Variants in CTNNA3 observed in about 807,000 individuals in gnomAD.
The protein encoded by CTNNA3 is catenin alpha 3, also known as catenin alpha-3.
Under a neutral mutation model 95.7 loss-of-function variants are expected in CTNNA3, and 76 were observed. The ratio of observed to expected loss-of-function variants is 0.79; its 90% CI spans 0.66 to 0.96. The LOEUF is 0.96. Among genes scored for constraint, CTNNA3 ranks in the 40% least tolerant of loss-of-function variants. CTNNA3 has a pLI of 0.00. For synonymous variants in CTNNA3, 431 were observed against 374.4 expected (o/e 1.15, Z -1.74); for missense variants, 1,191 against 1,089.8 (o/e 1.09, Z -1.31).
intron 12 of CTNNA3, among the ~76,000 whole-genome samples, chr10:66,366,441 G>A (rs866300437): frequency 1.4e-4 from 22 of 152,140 alleles, no homozygotes; most frequent in Middle Eastern, 3.4e-3. Flanking sequence ...AAACCTATTC[G>A]CCAATGCAAT....
intron 11 of CTNNA3, among the ~76,000 whole-genome samples, chr10:66,476,366 C>T (rs1839327024): frequency 6.6e-6 from 1 of 151,972 alleles, no homozygotes; most frequent in Admixed American, 6.6e-5. Flanking sequence ...TACCCTGAAA[C>T]TGAAAATAAA....
At chr10:67,704,762 C>T (rs541814287) in intron 1 of CTNNA3, among the ~76,000 whole-genome samples, 60 of 151,824 alleles carry the variant, frequency 4.0e-4, no homozygotes, top group African/African-American at 1.4e-3. Context: ...GCAACAAAAG[C>T]CAAAATTGAC....
Position 67,490,821 on chromosome 10 carries a change from G to A in CTNNA3, c.579+31021C>T, listed in dbSNP as rs1875152. On this transcript the variant is annotated intron_variant, in intron 5 of 17. Transcript: ENST00000433211. ...GAGAGAAGGGTAACAAAGGAATGGA[G>A]AAGCACTCTGGAAACTACACAGTGA... Among the ~76,000 whole-genome samples the A allele has an allele frequency of 0.024, 3,636 of 152,168 alleles. 270 individuals are homozygous for A. In the East Asian group the frequency reaches 0.27, roughly 11 times the overall value.
chr10:66,059,909 T>A (rs1255012264), intron 15 of CTNNA3, among the ~76,000 whole-genome samples: 1 of 152,088 alleles, frequency 6.6e-6, no homozygotes, highest in Non-Finnish European at 1.5e-5. Context: ...TTACTTTCTT[T>A]TAGGTATTTT....
At chr10:66,297,427 C>T (rs574062811) in intron 12 of CTNNA3, among the ~76,000 whole-genome samples, 4 of 152,196 alleles carry the variant, frequency 2.6e-5, no homozygotes, top group African/African-American at 4.8e-5. Flanking sequence ...TTTAAGAATA[C>T]ATTTAATCAT....
chr10:67,567,368 A>C (rs941964513), intron 3 of CTNNA3, among the ~76,000 whole-genome samples: 10 of 151,956 alleles, frequency 6.6e-5, no homozygotes, highest in South Asian at 2.1e-4. Flanking sequence ...ATGCTTTCAT[A>C]AGTGGATGCT....
intron 7 of CTNNA3, among the ~76,000 whole-genome samples, chr10:66,958,289 T>C (rs12761438): frequency 0.045 from 6,370 of 140,098 alleles, 172 homozygotes; most frequent in Middle Eastern, 0.095. Context: ...GGTCTTTTTT[T>C]CCTCCACCTG....
chr10:67,711,272 G>A (rs12416546), intron 1 of CTNNA3, among the ~76,000 whole-genome samples: 3 of 152,168 alleles, frequency 2.0e-5, no homozygotes, highest in East Asian at 1.9e-4. Flanking sequence ...ATGCGGAAGC[G>A]ACTGGAACTG....
chr10:66,851,892 CA>C (rs1843512149), intron 7 of CTNNA3, among the ~76,000 whole-genome samples: 1 of 152,098 alleles, frequency 6.6e-6, no homozygotes, highest in Non-Finnish European at 1.5e-5. Context: ...GCAATAGATA[CA>C]TTTACTGACT....
At chr10:66,251,755 A>T (rs972547511) in intron 13 of CTNNA3, among the ~76,000 whole-genome samples, 1 of 152,228 alleles carries the variant, frequency 6.6e-6, no homozygotes, top group African/African-American at 2.4e-5. Flanking sequence ...AATTAGAAAT[A>T]TCAACATTGT....
At chr10:67,071,508 TTTTG>T (rs1056699963) in intron 7 of CTNNA3, among the ~76,000 whole-genome samples, 47 of 110,128 alleles carry the variant, frequency 4.3e-4, no homozygotes, top group Non-Finnish European at 6.3e-4. Flanking sequence ...TTAAAGTTTT[TTTTG>T]TTTGTTTGTT....
chr10:65,993,740 C>A (rs534827593), intron 15 of CTNNA3, among the ~76,000 whole-genome samples: 13 of 152,136 alleles, frequency 8.5e-5, no homozygotes, highest in East Asian at 1.9e-4. Flanking sequence ...GTCTTTCTCT[C>A]TATATATATT....
At chr10:66,616,081 C>T (rs983830816) in intron 10 of CTNNA3, among the ~76,000 whole-genome samples, 9 of 152,008 alleles carry the variant, frequency 5.9e-5, no homozygotes, top group African/African-American at 2.2e-4. Context: ...ACTGTTCACA[C>T]ACCTGTAGTA....
chr10:67,415,845 C>T (rs1845521897), intron 5 of CTNNA3, among the ~76,000 whole-genome samples: 1 of 152,090 alleles, frequency 6.6e-6, no homozygotes, highest in African/African-American at 2.4e-5. Context: ...TAAAGCCACA[C>T]ACCTACAACT....
intron 11 of CTNNA3, among the ~76,000 whole-genome samples, chr10:66,446,089 T>G (rs2093418555): frequency 6.6e-6 from 1 of 152,140 alleles, no homozygotes; most frequent in South Asian, 2.1e-4. Flanking sequence ...ATGGATAAAT[T>G]CCTTGACACA....
At chr10:67,695,559 A>G (rs1840948532) in intron 1 of CTNNA3, among the ~76,000 whole-genome samples, 1 of 152,194 alleles carries the variant, frequency 6.6e-6, no homozygotes, top group Admixed American at 6.5e-5. Flanking sequence ...TTTTGCCATT[A>G]TCTCACTTGA....
chr10:66,023,468 C>T (rs1270265832), intron 15 of CTNNA3, among the ~76,000 whole-genome samples: 2 of 152,086 alleles, frequency 1.3e-5, no homozygotes, highest in African/African-American at 4.8e-5. Flanking sequence ...TTTACATCAG[C>T]AAATTTTAAC....
At chr10:67,550,361 A>G (rs1221148374) in intron 3 of CTNNA3, among the ~76,000 whole-genome samples, 1 of 152,156 alleles carries the variant, frequency 6.6e-6, no homozygotes, top group Non-Finnish European at 1.5e-5. Flanking sequence ...CCAAAGCATA[A>G]TAGTGAAAAA....
intron 12 of CTNNA3, among the ~76,000 whole-genome samples, chr10:66,362,719 G>A (rs1298683888): frequency 1.5e-4 from 22 of 148,208 alleles, no homozygotes; most frequent in Non-Finnish European, 2.2e-4. Context: ...TCCCCCTGCC[G>A]ACCAAAAAAA....
Sources: allele counts gnomAD v4.1 joint callset (sites outside exome capture counted in the v4.1 genomes callset), GRCh38; gene constraint gnomAD v4.1.1; transcripts MANE v1.5; gene names NCBI Gene and HGNC (gene_info 2026-07-23, HGNC 2026-07-21).